The following IGF1R variants were observed in gnomAD, a reference collection of about 807,000 sequenced individuals.
IGF1R encodes the protein insulin-like growth factor 1 receptor.
Under a neutral mutation model 144.6 loss-of-function variants are expected in IGF1R, and 44 were observed. The ratio of observed to expected loss-of-function variants is 0.30; its 90% CI spans 0.24 to 0.39. IGF1R has a LOEUF of 0.39. Ranked by LOEUF, IGF1R falls within the 10% of genes least tolerant of loss-of-function variation. The pLI, the probability that IGF1R is intolerant of heterozygous loss-of-function variation, is 1.00. For synonymous variants in IGF1R, 795 were observed against 722.8 expected (o/e 1.10, Z -1.60); for missense variants, 1,355 against 1,833.7 (o/e 0.74, Z 4.77).
At chr15:98,795,291 A>C (rs1056604687) in intron 2 of IGF1R, among the ~76,000 whole-genome samples, 1 of 152,128 alleles carries the variant, frequency 6.6e-6, no homozygotes, top group Non-Finnish European at 1.5e-5. Flanking sequence ...GTCTAGACTT[A>C]AATTAAATTC....
At chr15:98,741,915 A>G (rs2054755141) in intron 2 of IGF1R, among the ~76,000 whole-genome samples, 1 of 152,204 alleles carries the variant, frequency 6.6e-6, no homozygotes, top group Non-Finnish European at 1.5e-5. Flanking sequence ...GTATATGCAC[A>G]CCTGTATACA....
chr15:98,851,608 C>T (rs1054671470), intron 2 of IGF1R, among the ~76,000 whole-genome samples: 2 of 152,192 alleles, frequency 1.3e-5, no homozygotes, highest in Non-Finnish European at 2.9e-5. Context: ...GAGGCATCCC[C>T]AGGTGCTGCC....
chr15:98,889,533 TATG>T (rs755542660), intron 2 of IGF1R, among the ~76,000 whole-genome samples: 8 of 152,262 alleles, frequency 5.3e-5, no homozygotes, highest in Non-Finnish European at 2.9e-5. Context: ...AGGTGTAACT[TATG>T]ATACATTCCA....
intron 1 of IGF1R, among the ~76,000 whole-genome samples, chr15:98,691,146 T>G (rs2053465501): frequency 6.6e-6 from 1 of 152,154 alleles, no homozygotes; most frequent in African/African-American, 2.4e-5. Context: ...AGACTTTTTT[T>G]GGATTTTACC....
In IGF1R at chr15:98,891,109, A is replaced by G. The variant is rs2013884957; in HGVS notation, c.641-216A>G. ...ACCAAACAAGGAGTTCCTAGGAGAG[A>G]CTGAACTTTAAAGATATCGACTCTC... On this transcript the variant is annotated intron_variant, in intron 2 of 20. Transcript: ENST00000650285. This position sits in a 1 kb window ranked among gnomAD's most constrained non-coding sequence, Gnocchi z 4.7. 1.3e-5 allele frequency among the ~76,000 whole-genome samples: 2 copies of G among 152,166 alleles called. No homozygotes were observed. Among genetic ancestry groups the G allele is most frequent in the Non-Finnish European group, 2.9e-5 (2 of 68,032 alleles).
intron 2 of IGF1R, among the ~76,000 whole-genome samples, chr15:98,790,521 G>C (rs528085191): frequency 1.1e-4 from 16 of 152,256 alleles, no homozygotes; most frequent in South Asian, 2.1e-4. Context: ...TCTGGGAGCG[G>C]TGAAGGCTGG....
rs375960538 is a variant in IGF1R, at chr15:98,915,468, TCA to T, written c.1829-487_1829-486del. Among the ~76,000 whole-genome samples, 375 of 152,280 alleles carry T rather than the reference TCA, an allele frequency of 2.5e-3. 2 individuals are homozygous for T. Among genetic ancestry groups the T allele is most frequent in the African/African-American group, 8.6e-3 (359 of 41,558 alleles). On this transcript the variant is annotated intron_variant, in intron 8 of 20. Transcript: ENST00000650285. The stretch of plus-strand genomic sequence containing the variant: ...CTGTGACATGGGCATGCACACTCCT[TCA>T]CACACACAGACTCTCCAGGCCCCTT...
chr15:98,821,743 T>C (rs1023324102), intron 2 of IGF1R, among the ~76,000 whole-genome samples: 3 of 152,210 alleles, frequency 2.0e-5, no homozygotes, highest in African/African-American at 7.2e-5. Flanking sequence ...GGATGATTGA[T>C]ATCTGCAAGG....
intron 2 of IGF1R, among the ~76,000 whole-genome samples, chr15:98,777,622 G>T (rs11636858): frequency 0.12 from 18,947 of 152,248 alleles, 1,494 homozygotes; most frequent in East Asian, 0.26. Context: ...CCCCTGTGGG[G>T]GCTGTCCAAA....
chr15:98,664,625 G>GCA (rs1478537628), intron 1 of IGF1R, among the ~76,000 whole-genome samples: 1 of 150,886 alleles, frequency 6.6e-6, no homozygotes, highest in African/African-American at 2.5e-5. Context: ...GTTGGAGGTT[G>GCA]GAGGTTGCAG....
intron 19 of IGF1R, among the ~76,000 whole-genome samples, chr15:98,946,000 G>GGAT (rs573692963): frequency 6.6e-6 from 1 of 151,838 alleles, no homozygotes; most frequent in Non-Finnish European, 1.5e-5. Context: ...GAAGATGCGG[G>GGAT]GATGATGATG....
At chr15:98,709,693 G>A (rs1201690754) in intron 2 of IGF1R, among the ~76,000 whole-genome samples, 1 of 152,232 alleles carries the variant, frequency 6.6e-6, no homozygotes, top group Non-Finnish European at 1.5e-5. Context: ...AATGACCTTG[G>A]ATGGGCCAGC....
At position 98,957,538 on chromosome 15, in the gene IGF1R, C is replaced by T. The variant is rs2017054918; in HGVS notation, c.*96C>T. 9 of 1,512,542 alleles carry T rather than the reference C, an allele frequency of 6.0e-6. No individual in the cohort carries two copies. Among genetic ancestry groups the T allele is most frequent in the South Asian group, 4.6e-5 (4 of 87,642 alleles). 93.7% of individuals were successfully genotyped at this position (1,512,542 alleles called of 1,614,324 possible). A position where few individuals can be genotyped will look rare whatever the true frequency, so the allele number is the denominator to read the frequency against. On this transcript the variant is annotated 3_prime_UTR_variant, in exon 21 of 21. Transcript: ENST00000650285. ...TTTTAACAATCCATTCACAAGCCTC[C>T]TGTACCTCAGTGGATCTTCAGAACT...
intron 2 of IGF1R, among the ~76,000 whole-genome samples, chr15:98,733,428 C>T (rs963964777): frequency 6.6e-6 from 1 of 151,952 alleles, no homozygotes; most frequent in Non-Finnish European, 1.5e-5. Flanking sequence ...GTTATCCTCC[C>T]ACCTCAGTCT....
chr15:98,835,080 T>TAC (rs34443123), intron 2 of IGF1R, among the ~76,000 whole-genome samples: 5,373 of 130,446 alleles, frequency 0.041, 144 homozygotes, highest in East Asian at 0.089. Context: ...ACACCCCCCC[T>TAC]ACACACACAC....
intron 2 of IGF1R, among the ~76,000 whole-genome samples, chr15:98,845,886 A>G (rs530197327): frequency 1.3e-3 from 201 of 152,300 alleles, no homozygotes; most frequent in African/African-American, 4.5e-3. Context: ...TTTTTGTGCT[A>G]TAAAATTGGC....
At chr15:98,926,542 CA>C (rs34869027) in intron 13 of IGF1R, among the ~76,000 whole-genome samples, 25,003 of 152,138 alleles carry the variant, frequency 0.16, 2,524 homozygotes, top group South Asian at 0.36. Flanking sequence ...TATTTCAAAA[CA>C]ATATGTTGTA....
Position 98,962,226 on chromosome 15 carries a change from AAC to A in IGF1R, c.*4788_*4789del, listed in dbSNP as rs765907345. On this transcript the variant is annotated 3_prime_UTR_variant, in exon 21 of 21. Coordinates refer to ENST00000650285, the MANE Select transcript of IGF1R (RefSeq NM_000875.5). ...GACGGTGTTGGCCACTCCCTTCTAA[AAC>A]ACAGGCGCCCTCCTGGTGACAGTGA... The A allele has an allele frequency of 4.3e-6, 1 of 233,138 alleles. No homozygotes were observed. The highest frequency in any genetic ancestry group is 8.5e-6 in the Non-Finnish European group (1 of 118,076). 14.4% of individuals were successfully genotyped at this position (233,138 alleles called of 1,614,324 possible). A position where few individuals can be genotyped will look rare whatever the true frequency, so the allele number is the denominator to read the frequency against.
At chr15:98,868,950 C>T (rs567694550) in intron 2 of IGF1R, among the ~76,000 whole-genome samples, 4 of 152,152 alleles carry the variant, frequency 2.6e-5, no homozygotes, top group Non-Finnish European at 4.4e-5. Flanking sequence ...CAAGTGTTAC[C>T]TGTGAGAGAG....
Sources: gnomAD v4.1 joint callset for allele counts (sites outside exome capture counted in the v4.1 genomes callset) on GRCh38, gnomAD v4.1.1 for gene constraint, Gnocchi (gnomAD v3.1) non-coding constraint, MANE v1.5 for transcripts, NCBI Gene and HGNC (gene_info 2026-07-23, HGNC 2026-07-21) for gene names.